Variants in TCF20 observed in about 807,000 individuals in gnomAD.
TCF20 encodes transcription factor 20, also known as SPRE-binding protein.
A neutral mutation model predicts 148.6 loss-of-function variants in TCF20; 3 were observed. The observed-to-expected ratio is 0.02, with a 90% CI of 0.01 to 0.05. The LOEUF (loss-of-function observed/expected upper bound fraction) is 0.05, where lower values mean the gene tolerates loss of function less well. Ranked by LOEUF, TCF20 falls within the 10% of genes least tolerant of loss-of-function variation. TCF20 has a pLI of 1.00. For missense variants in TCF20, 2,350 were observed against 2,429.3 expected, an observed-to-expected ratio of 0.97 and a Z score of 0.69; for synonymous variants, 1,049 against 909.5, an observed-to-expected ratio of 1.15 and a Z score of -2.76.
At chr22:42,300,762 C>A (rs1601698628) in intron 1 of TCF20, among the ~76,000 whole-genome samples, 1 of 152,226 alleles carries the variant, frequency 6.6e-6, no homozygotes, top group East Asian at 1.9e-4. Context: ...TGATGACTAA[C>A]CCAGGCCTGC....
At chr22:42,229,123 G>C (rs886947387) in intron 1 of TCF20, among the ~76,000 whole-genome samples, 1 of 151,994 alleles carries the variant, frequency 6.6e-6, no homozygotes, top group Admixed American at 6.6e-5. Flanking sequence ...GCCAGAAAAG[G>C]AGAGTGAAGA....
chr22:42,216,798 T>A (rs1921855910), intron 1 of TCF20, among the ~76,000 whole-genome samples: 1 of 152,214 alleles, frequency 6.6e-6, no homozygotes, highest in Non-Finnish European at 1.5e-5. Flanking sequence ...GTTATCTGAC[T>A]GAGCCACCAC....
chr22:42,241,783 C>T (rs142436096), intron 1 of TCF20, among the ~76,000 whole-genome samples: 170 of 152,188 alleles, frequency 1.1e-3, no homozygotes, highest in African/African-American at 4.0e-3. Context: ...GAGCCAAGAT[C>T]GTGCCACTGC....
Position 42,214,307 on chromosome 22 carries a change from G to A in TCF20, c.999C>T (p.Asn333=), listed in dbSNP as rs145650744. 1.2e-4 allele frequency: 186 copies of A among 1,614,226 alleles called. No individual in the cohort carries two copies. In the African/African-American group the frequency reaches 2.0e-3, roughly 17 times the overall value. The change falls in exon 2 of 6, where the codon AAC becomes AAT. Residue 333 remains asparagine, a synonymous_variant. Transcript: ENST00000677622. ...TTTGCAGGGGCAGCTTGGTGGCAGC[G>A]TTAGTATACTGCATCACATGCTGAG... ...HPSQHVMQYT[N]AATKLPLQSQ...
chr22:42,319,799 CG>C (rs1271659465), intron 1 of TCF20, among the ~76,000 whole-genome samples: 1 of 152,110 alleles, frequency 6.6e-6, no homozygotes, highest in Non-Finnish European at 1.5e-5. Context: ...GCGAGGAGGC[CG>C]GGGAAGCCAG....
chr22:42,210,364 T>C lies in TCF20; in HGVS notation c.4942A>G (p.Thr1648Ala), dbSNP rs1471863189. The C allele has an allele frequency of 1.2e-6, 2 of 1,614,104 alleles. No homozygotes were observed. The highest frequency in any genetic ancestry group is 2.2e-5 in the East Asian group (1 of 44,908). The change falls in exon 2 of 6, where the codon ACA (threonine) becomes GCA (alanine). Residue 1648 changes from threonine to alanine, a missense_variant. Physicochemically the swap from Thr to Ala is moderately conservative, Grantham distance 58. Coordinates refer to ENST00000677622, the MANE Select transcript of TCF20 (RefSeq NM_001378418.1). The surrounding 1 kb of genome is among the most constrained non-coding windows in gnomAD (Gnocchi z 4.7). ...VNKCELGAVC[T>A]IINAEEEEQT... ...TCTTCTTCCTCAGCATTGATGATTG[T>C]ACAAACGGCTCCAAGTTCACACTTA...
chr22:42,244,806 G>A (rs759159571), intron 1 of TCF20, among the ~76,000 whole-genome samples: 6 of 152,210 alleles, frequency 3.9e-5, no homozygotes, highest in African/African-American at 4.8e-5. Flanking sequence ...CTGGCTGGGC[G>A]CAGTGGCTCA....
In TCF20 at chr22:42,211,142, C is replaced by T. The variant is rs1384664789; in HGVS notation, c.4164G>A (p.Leu1388=). The stretch of plus-strand genomic sequence containing the variant: ...TCCCACCTTCAGGAGGACCACTCTT[C>T]AAAGACAGTATATCATCAAGCGTAA... ...DTVTLDDILS[L]KSGPPEGGSV... The change falls in exon 2 of 6, where the codon TTG becomes TTA. Residue 1388 remains leucine, a synonymous_variant. Coordinates refer to ENST00000677622, the MANE Select transcript of TCF20 (RefSeq NM_001378418.1). The T allele has an allele frequency of 1.9e-6, 3 of 1,614,224 alleles. No homozygotes were observed. The South Asian group carries it at 3.3e-5, about 18-fold the overall frequency.
At chr22:42,203,105 A>C (rs968001293) in intron 2 of TCF20, among the ~76,000 whole-genome samples, 25 of 151,562 alleles carry the variant, frequency 1.6e-4, no homozygotes, top group African/African-American at 5.8e-4. Flanking sequence ...TGGCTTGTTT[A>C]TCAATATTTT....
chr22:42,212,464 C>T lies in TCF20; in HGVS notation c.2842G>A (p.Gly948Arg). The change falls in exon 2 of 6, where the codon GGA becomes AGA. Residue 948 changes from glycine (G) to arginine (R), a missense_variant. Gly to Arg is a moderately radical substitution (Grantham distance 125). Transcript: ENST00000677622. ...ATGCTAGGAGGATGGCAGTGGTCTC[C>T]AGATTTCTTGTTGTTGAAACTAGCT... The part of the protein sequence containing the change: ...SQASFNNKKS[G>R]DHCHPPSIKH... 6.2e-7 allele frequency: 1 copy of T among 1,614,214 alleles called. No homozygotes were observed. Among genetic ancestry groups the T allele is most frequent in the Non-Finnish European group, 8.5e-7 (1 of 1,180,038 alleles).
At chr22:42,176,505 A>G (rs1936462307) in intron 3 of TCF20, among the ~76,000 whole-genome samples, 1 of 152,114 alleles carries the variant, frequency 6.6e-6, no homozygotes, top group South Asian at 2.1e-4. Flanking sequence ...TCAAATTCAA[A>G]TCAAACCCCG....
At chr22:42,174,632 C>T (rs547424453) in intron 3 of TCF20, among the ~76,000 whole-genome samples, 1 of 152,312 alleles carries the variant, frequency 6.6e-6, no homozygotes, top group Non-Finnish European at 1.5e-5. Flanking sequence ...TGGTACATGC[C>T]TGTATTCCCA....
chr22:42,329,714 G>A (rs555292908), intron 1 of TCF20, among the ~76,000 whole-genome samples: 187 of 152,316 alleles, frequency 1.2e-3, no homozygotes, highest in Admixed American at 3.3e-3. Context: ...CAGAGAAACC[G>A]GGAAGCAGCT....
intron 2 of TCF20, among the ~76,000 whole-genome samples, chr22:42,198,585 TTG>T (rs1405960330): frequency 1.3e-5 from 2 of 152,224 alleles, no homozygotes; most frequent in Admixed American, 1.3e-4. Flanking sequence ...CTATGCAAAG[TTG>T]TTATACTTTC....
chr22:42,255,320 A>G (rs1925671221), intron 1 of TCF20, among the ~76,000 whole-genome samples: 1 of 152,076 alleles, frequency 6.6e-6, no homozygotes, highest in Admixed American at 6.6e-5. Flanking sequence ...CCCCGTCTCT[A>G]CTAAAAATAC....
chr22:42,163,017 G>A (rs1170882878), intron 5 of TCF20, among the ~76,000 whole-genome samples: 1 of 152,234 alleles, frequency 6.6e-6, no homozygotes, highest in South Asian at 2.1e-4. Context: ...ACAGAAGGGT[G>A]TCATCTTGTT....
intron 2 of TCF20, among the ~76,000 whole-genome samples, chr22:42,189,250 C>T (rs1937206984): frequency 6.6e-6 from 1 of 152,150 alleles, no homozygotes; most frequent in Non-Finnish European, 1.5e-5. Flanking sequence ...GACACATGGC[C>T]AGGGGGTCTG....
At chr22:42,199,252 G>C (rs5751240) in intron 2 of TCF20, among the ~76,000 whole-genome samples, 27,559 of 152,046 alleles carry the variant, frequency 0.18, 2,809 homozygotes, top group East Asian at 0.34. Flanking sequence ...GATGGTGCCA[G>C]CACCTCATCT....
intron 1 of TCF20, among the ~76,000 whole-genome samples, chr22:42,281,374 G>A (rs764414706): frequency 2.0e-5 from 3 of 152,162 alleles, no homozygotes; most frequent in Non-Finnish European, 2.9e-5. Flanking sequence ...ATGTGGCACC[G>A]CCCAGTCTGT....
Sources: allele counts gnomAD v4.1 joint callset (sites outside exome capture counted in the v4.1 genomes callset), GRCh38; gene constraint gnomAD v4.1.1; non-coding constraint Gnocchi (gnomAD v3.1); transcripts MANE v1.5; gene names NCBI Gene and HGNC (gene_info 2026-07-23, HGNC 2026-07-21).